SMARCA2: variants seen among roughly 807,000 people sequenced by gnomAD.
SMARCA2 encodes the protein SWI/SNF-related matrix-associated actin-dependent regulator of chromatin subfamily A member 2.
Under a neutral mutation model 199.8 loss-of-function variants are expected in SMARCA2, and 61 were observed. That is an observed-to-expected ratio of 0.31 (90% CI 0.25 to 0.38). The LOEUF (loss-of-function observed/expected upper bound fraction) is 0.38. Ranked by LOEUF, SMARCA2 falls within the 10% of genes least tolerant of loss-of-function variation. SMARCA2 has a pLI of 1.00. For synonymous variants in SMARCA2, 935 were observed against 732.0 expected (o/e 1.28, Z -4.48); for missense variants, 1,344 against 2,012.2 (o/e 0.67, Z 6.35).
At chr9:2,072,961 C>T in intron 10 of SMARCA2, 1 of 450,628 alleles carries the variant, frequency 2.2e-6, no homozygotes, top group Non-Finnish European at 4.0e-6. Context: ...TAACTCACAA[C>T]CTTGGTGATG....
chr9:2,031,351 A>G (rs1819063050), intron 2 of SMARCA2, among the ~76,000 whole-genome samples: 1 of 152,216 alleles, frequency 6.6e-6, no homozygotes, highest in African/African-American at 2.4e-5. Context: ...TTCTGTTTAG[A>G]TTAAATGAAT....
intron 29 of SMARCA2, among the ~76,000 whole-genome samples, chr9:2,177,824 T>C (rs1381735327): frequency 1.3e-5 from 2 of 152,220 alleles, no homozygotes; most frequent in African/African-American, 4.8e-5. Context: ...AGTGCTGGGA[T>C]TACAGGCATG....
chr9:2,094,110 G>A (rs1822173439), intron 19 of SMARCA2, among the ~76,000 whole-genome samples: 1 of 152,188 alleles, frequency 6.6e-6, no homozygotes, highest in South Asian at 2.1e-4. Flanking sequence ...TTAAGACTAA[G>A]TAAGGATATC....
At chr9:2,046,813 A>G (rs975011538) in intron 4 of SMARCA2, among the ~76,000 whole-genome samples, 2 of 152,102 alleles carry the variant, frequency 1.3e-5, no homozygotes, top group African/African-American at 2.4e-5. Context: ...TGAACTCTCA[A>G]TGCACCTGTA....
intron 24 of SMARCA2, among the ~76,000 whole-genome samples, chr9:2,112,086 T>C (rs1480507810): frequency 6.6e-6 from 1 of 152,198 alleles, no homozygotes; most frequent in Non-Finnish European, 1.5e-5. Flanking sequence ...GTGAGAGATC[T>C]GCAGTTTTTC....
chr9:2,021,123 C>T (rs1818582503), intron 1 of SMARCA2, among the ~76,000 whole-genome samples: 1 of 152,162 alleles, frequency 6.6e-6, no homozygotes, highest in African/African-American at 2.4e-5. Context: ...AAGCATCAAT[C>T]TTATGCCAGT....
At chr9:2,107,702 A>G (rs10124350) in intron 23 of SMARCA2, among the ~76,000 whole-genome samples, 59,098 of 151,998 alleles carry the variant, frequency 0.39, 15,978 homozygotes, top group African/African-American at 0.77. Flanking sequence ...CCTTTGACCA[A>G]ATAATTTTAT....
chr9:2,019,845 C>T (rs563804221), intron 1 of SMARCA2, among the ~76,000 whole-genome samples: 32 of 150,360 alleles, frequency 2.1e-4, no homozygotes, highest in African/African-American at 7.3e-4. Context: ...TAGAAATCTT[C>T]CTTTGTAAAC....
chr9:2,056,965 A>C lies in SMARCA2; in HGVS notation c.1347+120A>C. On this transcript the variant is annotated intron_variant, in intron 7 of 33. Coordinates refer to ENST00000349721, the MANE Select transcript of SMARCA2 (RefSeq NM_003070.5). The surrounding 1 kb of genome is among the most constrained non-coding windows in gnomAD (Gnocchi z 4.0). The stretch of plus-strand genomic sequence containing the variant: ...GTGGGTGGTGGGGACATCACAGAAC[A>C]GAACGGTTCCTTGACATGTACATAA... 1 of 814,392 alleles carries C rather than the reference A, an allele frequency of 1.2e-6. No individual in the cohort carries two copies. Among genetic ancestry groups the C allele is most frequent in the Non-Finnish European group, 1.9e-6 (1 of 521,874 alleles). 50.4% of individuals were successfully genotyped at this position (814,392 alleles called of 1,614,324 possible). A position where few individuals can be genotyped will look rare whatever the true frequency, so the allele number is the denominator to read the frequency against.
chr9:2,182,366 G>A, intron 31 of SMARCA2, 124 bp downstream of exon 31: 2 of 614,022 alleles, frequency 3.3e-6, no homozygotes, highest in East Asian at 5.9e-5. Flanking sequence ...ATAACTAAAA[G>A]CCTATGTTCC....
At chr9:2,094,012 A>G (rs1019795575) in intron 19 of SMARCA2, among the ~76,000 whole-genome samples, 1 of 152,226 alleles carries the variant, frequency 6.6e-6, no homozygotes, top group East Asian at 1.9e-4. Flanking sequence ...TTTGAGAGAA[A>G]TGAAAGGGAA....
chr9:2,057,872 T>C (rs780348610), intron 7 of SMARCA2, among the ~76,000 whole-genome samples: 4 of 152,252 alleles, frequency 2.6e-5, no homozygotes, highest in Non-Finnish European at 5.9e-5. Flanking sequence ...TGTCATACTC[T>C]AGGGTAGTTA....
rs1322767825 is a variant in SMARCA2 at position 2,077,612 on chromosome 9, A to G, written c.2037-17A>G. 6.2e-7 allele frequency: 1 copy of G among 1,611,530 alleles called. No homozygotes were observed. The highest frequency in any genetic ancestry group is 1.7e-5 in the Admixed American group (1 of 59,778). Reference sequence around the variant, plus strand: ...CGCACATGTCTGTGTGTGATTCTCCACTTTTTCCTTTCCCAGGACAGCTAA... The same window carrying G: ...CGCACATGTCTGTGTGTGATTCTCCGCTTTTTCCTTTCCCAGGACAGCTAA... On this transcript the variant is annotated splice_polypyrimidine_tract_variant and intron_variant, in intron 13 of 33. Coordinates refer to ENST00000349721, the MANE Select transcript of SMARCA2 (RefSeq NM_003070.5).
chr9:2,116,733 A>G (rs1823231994), intron 25 of SMARCA2, among the ~76,000 whole-genome samples: 1 of 152,244 alleles, frequency 6.6e-6, no homozygotes, highest in Admixed American at 6.5e-5. Flanking sequence ...TTTTATAAAT[A>G]TTCATTCCAA....
chr9:2,052,422 G>A (rs1352044525), intron 5 of SMARCA2, among the ~76,000 whole-genome samples: 1 of 152,236 alleles, frequency 6.6e-6, no homozygotes, highest in Non-Finnish European at 1.5e-5. Flanking sequence ...GTTGCAGTGA[G>A]CAGAGATAGT....
At chr9:2,054,505 A>G (rs972922609) in intron 5 of SMARCA2, 92 bp from the exon 6 acceptor site, 45 of 1,463,878 alleles carry the variant, frequency 3.1e-5, no homozygotes, top group South Asian at 2.4e-4. Flanking sequence ...TTTGCCCCGG[A>G]CTTAAACCTA....
chr9:2,100,656 C>A (rs1195328110), intron 21 of SMARCA2, among the ~76,000 whole-genome samples: 1 of 151,508 alleles, frequency 6.6e-6, no homozygotes, highest in East Asian at 1.9e-4. Context: ...TGAGCTGAGA[C>A]TGCGCCACTG....
At chr9:2,034,501 C>T (rs1369859901) in intron 3 of SMARCA2, among the ~76,000 whole-genome samples, 1 of 152,170 alleles carries the variant, frequency 6.6e-6, no homozygotes, top group Non-Finnish European at 1.5e-5. Context: ...GTGGTCATTT[C>T]AACATATGAC....
chr9:2,145,155 C>G (rs1458461408), intron 27 of SMARCA2, among the ~76,000 whole-genome samples: 2 of 151,846 alleles, frequency 1.3e-5, no homozygotes, highest in Non-Finnish European at 2.9e-5. Flanking sequence ...AAAAATTAGC[C>G]GGGCATGGTG....
Sources: gnomAD v4.1 joint callset for allele counts (sites outside exome capture counted in the v4.1 genomes callset) on GRCh38, gnomAD v4.1.1 for gene constraint, Gnocchi (gnomAD v3.1) non-coding constraint, MANE v1.5 for transcripts, NCBI Gene and HGNC (gene_info 2026-07-23, HGNC 2026-07-21) for gene names.